TLN2: variants seen among roughly 807,000 people sequenced by gnomAD.
TLN2 encodes the protein talin 2, also known as talin-2.
In TLN2, 118 loss-of-function variants were observed where a neutral mutation model predicts 294.7. The observed-to-expected ratio is 0.40, with a 90% confidence interval of 0.34 to 0.47. TLN2 has a LOEUF of 0.47. Ranked by LOEUF, TLN2 falls within the 20% of genes least tolerant of loss-of-function variation. The pLI is 0.84. For synonymous variants in TLN2, 1,431 were observed against 1,304.5 expected, an observed-to-expected ratio of 1.10 and a Z score of -2.09; for missense variants, 3,083 against 3,282.2, an observed-to-expected ratio of 0.94 and a Z score of 1.48.
intron 1 of TLN2, among the ~76,000 whole-genome samples, chr15:62,481,111 A>G (rs2038064407): frequency 6.6e-6 from 1 of 152,008 alleles, no homozygotes; most frequent in Non-Finnish European, 1.5e-5. Flanking sequence ...TCTAATCACA[A>G]TTCTCTTCCT....
intron 45 of TLN2, among the ~76,000 whole-genome samples, chr15:62,788,486 C>T (rs143166890): frequency 9.2e-5 from 14 of 152,194 alleles, no homozygotes; most frequent in Non-Finnish European, 1.5e-4. Context: ...CAAGTCCTAC[C>T]GCATGTCAGA....
intron 1 of TLN2, chr15:62,561,376 C>T (rs940235526): frequency 6.6e-6 from 1 of 152,264 alleles, no homozygotes; most frequent in African/African-American, 2.4e-5. Context: ...TTCATTTCCT[C>T]AAGCTCCCTC....
chr15:62,730,470 A>G (rs1169093530), intron 28 of TLN2, among the ~76,000 whole-genome samples: 1 of 152,142 alleles, frequency 6.6e-6, no homozygotes, highest in Non-Finnish European at 1.5e-5. Flanking sequence ...CTGCGTCTCC[A>G]GGAGCTTTCA....
chr15:62,796,006 T>C, intron 46 of TLN2, 121 bp from the exon 47 acceptor site: 1 of 1,281,572 alleles, frequency 7.8e-7, no homozygotes. Flanking sequence ...ACTCCAGATG[T>C]GTGTTGTTAA....
intron 33 of TLN2, among the ~76,000 whole-genome samples, chr15:62,750,134 CT>C (rs2061846713): frequency 6.6e-6 from 1 of 152,120 alleles, no homozygotes; most frequent in South Asian, 2.1e-4. Flanking sequence ...CTGTGTTTAC[CT>C]TGTTTCTTCT....
Position 62,621,293 on chromosome 15 carries a change from A to G in TLN2, c.-37+2818A>G, listed in dbSNP as rs145459871. ...TGCAAAGGATGCAGGGTGATATTGT[A>G]TGGCTGTGTCCTTTGGAAAGTTTAC... On this transcript the variant is annotated intron_variant, in intron 3 of 58. Transcript: ENST00000636159. 4.6e-5 allele frequency among the ~76,000 whole-genome samples: 7 copies of G among 152,322 alleles called. No individual in the cohort carries two copies. In the East Asian group the frequency reaches 1.4e-3, roughly 29 times the overall value.
At chr15:62,459,909 C>T (rs545849607) in intron 1 of TLN2, among the ~76,000 whole-genome samples, 2 of 152,234 alleles carry the variant, frequency 1.3e-5, no homozygotes, top group South Asian at 2.1e-4. Flanking sequence ...GGATTTTCCC[C>T]TTGAATGATC....
At chr15:62,826,045 A>G (rs76831939) in intron 54 of TLN2, among the ~76,000 whole-genome samples, 3,712 of 149,308 alleles carry the variant, frequency 0.025, 170 homozygotes, top group African/African-American at 0.086. Context: ...AATAAATAAG[A>G]AAAGCAAGTA....
chr15:62,418,009 G>A (rs987956449), intron 1 of TLN2, among the ~76,000 whole-genome samples: 7 of 152,152 alleles, frequency 4.6e-5, no homozygotes, highest in Non-Finnish European at 4.4e-5. Flanking sequence ...CTTTTCCCCC[G>A]CTTATCCTTG....
At chr15:62,578,053 A>G (rs1221922580) in intron 1 of TLN2, among the ~76,000 whole-genome samples, 1 of 152,198 alleles carries the variant, frequency 6.6e-6, no homozygotes, top group Non-Finnish European at 1.5e-5. Context: ...ATAGTATTCC[A>G]TGGTGTATAT....
intron 11 of TLN2, among the ~76,000 whole-genome samples, chr15:62,682,047 A>T (rs118097147): frequency 1.3e-5 from 2 of 152,080 alleles, no homozygotes; most frequent in Non-Finnish European, 2.9e-5. Flanking sequence ...GAGCCACTGT[A>T]TCTGGCCTGA....
intron 52 of TLN2, among the ~76,000 whole-genome samples, chr15:62,810,433 C>A (rs931818813): frequency 2.0e-5 from 3 of 152,180 alleles, no homozygotes; most frequent in Non-Finnish European, 2.9e-5. Context: ...CCATGCCAGC[C>A]TCCGTGGCAA....
At chr15:62,680,780 C>T (rs756060453) in intron 11 of TLN2, among the ~76,000 whole-genome samples, 19 of 152,024 alleles carry the variant, frequency 1.2e-4, no homozygotes, top group Admixed American at 7.2e-4. Flanking sequence ...CCCCTGTTTG[C>T]GTTTGTATCC....
chr15:62,607,644 C>T (rs561360161), intron 2 of TLN2, among the ~76,000 whole-genome samples: 2 of 152,156 alleles, frequency 1.3e-5, no homozygotes, highest in African/African-American at 4.8e-5. Context: ...AGAAGGGGCC[C>T]TTTTGGTTTT....
intron 1 of TLN2, among the ~76,000 whole-genome samples, chr15:62,532,053 C>T (rs1356537171): frequency 4.1e-5 from 6 of 144,812 alleles, no homozygotes; most frequent in African/African-American, 7.6e-5. Context: ...TTTCTCTTTT[C>T]TTTTTTTTTT....
chr15:62,767,860 G>A (rs188886633), intron 41 of TLN2, among the ~76,000 whole-genome samples: 311 of 152,286 alleles, frequency 2.0e-3, no homozygotes, highest in Non-Finnish European at 3.1e-3. Context: ...GGATGTCTTT[G>A]GAGGACAATA....
intron 1 of TLN2, among the ~76,000 whole-genome samples, chr15:62,428,326 A>G (rs1460824613): frequency 6.6e-6 from 1 of 152,196 alleles, no homozygotes; most frequent in Non-Finnish European, 1.5e-5. Context: ...GCACACAGTA[A>G]AGGTTTCCAA....
intron 2 of TLN2, among the ~76,000 whole-genome samples, chr15:62,613,532 T>A (rs955425134): frequency 2.0e-5 from 3 of 152,166 alleles, no homozygotes; most frequent in Admixed American, 6.5e-5. Flanking sequence ...CTTCCAAAAA[T>A]TGATCATACA....
At chr15:62,813,517 A>T (rs1333979909) in intron 52 of TLN2, among the ~76,000 whole-genome samples, 1 of 152,208 alleles carries the variant, frequency 6.6e-6, no homozygotes. Context: ...TGAGACTGAA[A>T]AGATCCAAAT....
Sources: gnomAD v4.1 joint callset for allele counts (sites outside exome capture counted in the v4.1 genomes callset) on GRCh38, gnomAD v4.1.1 for gene constraint, MANE v1.5 for transcripts, NCBI Gene and HGNC (gene_info 2026-07-23, HGNC 2026-07-21) for gene names.